NKAIN2: variants seen among roughly 807,000 people sequenced by gnomAD.
NKAIN2 encodes sodium/potassium-transporting ATPase subunit beta-1-interacting protein 2.
Under a neutral mutation model 32.6 loss-of-function variants are expected in NKAIN2, and 14 were observed. That is an observed-to-expected ratio of 0.43 (90% CI 0.28 to 0.67). The LOEUF is 0.67. NKAIN2 is among the 30% of genes least tolerant of loss of function. The pLI is 0.17. For missense variants in NKAIN2, 198 were observed against 258.3 expected (o/e 0.77, Z 1.60); for synonymous variants, 80 against 87.2 (o/e 0.92, Z 0.46).
At chr6:124,006,490 G>T (rs1484196347) in intron 1 of NKAIN2, among the ~76,000 whole-genome samples, 1 of 152,206 alleles carries the variant, frequency 6.6e-6, no homozygotes, top group Non-Finnish European at 1.5e-5. Flanking sequence ...CTTATGCGGT[G>T]CATGTGACAT....
intron 1 of NKAIN2, among the ~76,000 whole-genome samples, chr6:124,177,675 TG>T (rs1314087102): frequency 6.6e-6 from 1 of 152,132 alleles, no homozygotes; most frequent in African/African-American, 2.4e-5. Flanking sequence ...TCCAAGGAGC[TG>T]GGGCCATTTG....
At chr6:124,535,837 G>T (rs990869758) in intron 3 of NKAIN2, among the ~76,000 whole-genome samples, 1 of 152,180 alleles carries the variant, frequency 6.6e-6, no homozygotes, top group Non-Finnish European at 1.5e-5. Flanking sequence ...GAGGGAGCAG[G>T]AGCAGTTCAG....
chr6:123,965,881 C>T (rs909475496), intron 1 of NKAIN2, among the ~76,000 whole-genome samples: 1 of 152,130 alleles, frequency 6.6e-6, no homozygotes, highest in African/African-American at 2.4e-5. Flanking sequence ...AAAACCCAGT[C>T]TAATTAATTA....
intron 1 of NKAIN2, among the ~76,000 whole-genome samples, chr6:124,048,716 A>G (rs1782259733): frequency 6.6e-6 from 1 of 152,052 alleles, no homozygotes; most frequent in Non-Finnish European, 1.5e-5. Flanking sequence ...ATTGAAAGCA[A>G]TTTTCATTTT....
intron 2 of NKAIN2, among the ~76,000 whole-genome samples, chr6:124,322,741 G>A (rs1797249537): frequency 6.6e-6 from 1 of 152,136 alleles, no homozygotes; most frequent in South Asian, 2.1e-4. Context: ...AGATTTTTGT[G>A]TGAGCATAGT....
At chr6:124,149,516 C>G (rs951831675) in intron 1 of NKAIN2, among the ~76,000 whole-genome samples, 2 of 152,124 alleles carry the variant, frequency 1.3e-5, no homozygotes, top group East Asian at 1.9e-4. Context: ...CCCAGCTGTT[C>G]GAGAACCATT....
At chr6:124,374,114 G>A (rs1333203171) in intron 3 of NKAIN2, among the ~76,000 whole-genome samples, 1 of 151,994 alleles carries the variant, frequency 6.6e-6, no homozygotes, top group Admixed American at 6.6e-5. Flanking sequence ...TGAAGTACAG[G>A]GTTTGACCTT....
chr6:124,486,368 A>G (rs1777649530), intron 3 of NKAIN2, among the ~76,000 whole-genome samples: 2 of 152,116 alleles, frequency 1.3e-5, no homozygotes, highest in African/African-American at 2.4e-5. Context: ...AAAAATTGTG[A>G]AAAAAACCTC....
At chr6:124,812,081 C>T (rs138473460) in intron 5 of NKAIN2, among the ~76,000 whole-genome samples, 81 of 152,200 alleles carry the variant, frequency 5.3e-4, no homozygotes, top group African/African-American at 1.7e-3. Context: ...AATGAATGAC[C>T]GTCTCACTGG....
intron 2 of NKAIN2, among the ~76,000 whole-genome samples, chr6:124,342,497 C>CT (rs953746399): frequency 2.0e-5 from 3 of 150,560 alleles, no homozygotes; most frequent in African/African-American, 4.9e-5. Context: ...TTAAACAAGT[C>CT]TTTTTTTGTT....
chr6:123,898,121 T>G (rs535335131), intron 1 of NKAIN2, among the ~76,000 whole-genome samples: 1 of 152,330 alleles, frequency 6.6e-6, no homozygotes, highest in South Asian at 2.1e-4. Context: ...GCAGGATGAA[T>G]TATGATGATT....
chr6:124,425,049 A>T (rs1039294838), intron 3 of NKAIN2, among the ~76,000 whole-genome samples: 1 of 152,148 alleles, frequency 6.6e-6, no homozygotes. Flanking sequence ...AAATCTATAC[A>T]TATATGGCCA....
chr6:124,410,556 A>C (rs1231577525), intron 3 of NKAIN2, among the ~76,000 whole-genome samples: 4 of 152,188 alleles, frequency 2.6e-5, no homozygotes, highest in South Asian at 2.1e-4. Context: ...CTGTGGTCTG[A>C]GAGACAGTTT....
chr6:124,320,652 A>G (rs1797139244), intron 2 of NKAIN2, among the ~76,000 whole-genome samples: 1 of 152,196 alleles, frequency 6.6e-6, no homozygotes, highest in African/African-American at 2.4e-5. Flanking sequence ...TATGGGCTCA[A>G]TAAATGTTTG....
intron 1 of NKAIN2, among the ~76,000 whole-genome samples, chr6:123,959,687 A>C (rs1777753108): frequency 6.6e-6 from 1 of 151,994 alleles, no homozygotes; most frequent in Non-Finnish European, 1.5e-5. Context: ...AATACTTCCT[A>C]ACTCATAGTC....
chr6:124,704,566 A>G (rs1318187701), intron 4 of NKAIN2, among the ~76,000 whole-genome samples: 2 of 151,950 alleles, frequency 1.3e-5, no homozygotes, highest in South Asian at 2.1e-4. Flanking sequence ...AGGAAAAACC[A>G]TAACCCTACT....
intron 1 of NKAIN2, among the ~76,000 whole-genome samples, chr6:124,002,897 G>A (rs1779935186): frequency 6.6e-6 from 1 of 152,176 alleles, no homozygotes; most frequent in South Asian, 2.1e-4. Context: ...TTTGAGCAAA[G>A]CTCTGCTGGC....
At chr6:124,330,201 G>A (rs187142760) in intron 2 of NKAIN2, among the ~76,000 whole-genome samples, 1 of 152,194 alleles carries the variant, frequency 6.6e-6, no homozygotes, top group Non-Finnish European at 1.5e-5. Flanking sequence ...ATTTCAAGTG[G>A]TGAGGTCCTC....
chr6:124,592,036 T>C (rs957698840), intron 3 of NKAIN2, among the ~76,000 whole-genome samples: 4 of 152,146 alleles, frequency 2.6e-5, no homozygotes, highest in African/African-American at 9.7e-5. Flanking sequence ...AATTAAAAAT[T>C]CATACACTTT....
Sources: allele counts gnomAD v4.1 joint callset (sites outside exome capture counted in the v4.1 genomes callset), GRCh38; gene constraint gnomAD v4.1.1; transcripts MANE v1.5; gene names NCBI Gene and HGNC (gene_info 2026-07-23, HGNC 2026-07-21).